The following IGSF5 variants were observed in gnomAD, a reference collection of about 807,000 sequenced individuals.
The protein encoded by IGSF5 is immunoglobulin superfamily member 5.
IGSF5 carries 41 observed loss-of-function variants against 39.4 expected under a neutral mutation model. That is an observed-to-expected ratio of 1.04 (90% CI 0.81 to 1.35). The LOEUF (loss-of-function observed/expected upper bound fraction) is 1.35. IGSF5 is among the 40% of genes most tolerant of loss of function. The pLI is 0.00. For missense variants in IGSF5, 487 were observed against 494.6 expected (o/e 0.98, Z 0.15); for synonymous variants, 183 against 175.3 (o/e 1.04, Z -0.34).
At chr21:39,773,730 T>G (rs1039864856) in intron 4 of IGSF5, among the ~76,000 whole-genome samples, 1 of 152,122 alleles carries the variant, frequency 6.6e-6, no homozygotes, top group African/African-American at 2.4e-5. Flanking sequence ...GAACCAACCT[T>G]AAATATCATA....
chr21:39,770,856 AAACTT>A, intron 3 of IGSF5, 55 bp from the exon 4 acceptor site: 1 of 1,202,728 alleles, frequency 8.3e-7, no homozygotes. Flanking sequence ...AAAAAAAAGA[AAACTT>A]AGAAGCGAGA....
At chr21:39,724,067 AAAAATAAAATAAAATAAAATAAAAT>A in the IGSF5 span, among the ~76,000 whole-genome samples, 5,762 of 137,018 alleles carry the variant, frequency 0.042, 245 homozygotes, top group East Asian at 0.21. Context: ...CCCTGTCTCA[AAAAATAAAATAAAATAAAATAAAAT>A]AAAATAAAAT....
upstream of IGSF5, among the ~76,000 whole-genome samples, chr21:39,744,497 C>A (rs536788396): frequency 6.6e-6 from 1 of 152,182 alleles, no homozygotes; most frequent in African/African-American, 2.4e-5. Flanking sequence ...CAAGAGTCTC[C>A]GTATCAATTA....
intron 4 of IGSF5, among the ~76,000 whole-genome samples, chr21:39,772,000 G>T (rs1406739570): frequency 6.6e-6 from 1 of 152,166 alleles, no homozygotes; most frequent in African/African-American, 2.4e-5. Context: ...TTCTTTTCGT[G>T]TCTAAAGCTT....
chr21:39,777,005 A>C (rs953909571), intron 4 of IGSF5, among the ~76,000 whole-genome samples: 2 of 152,212 alleles, frequency 1.3e-5, no homozygotes, highest in African/African-American at 4.8e-5. Flanking sequence ...GAACTTTCAC[A>C]CACACCCCTG....
At chr21:39,793,639 T>C (rs460504) in intron 8 of IGSF5, 26 bp downstream of exon 8, 751,454 of 1,588,250 alleles carry the variant, frequency 0.47, 184,039 homozygotes, top group Non-Finnish European at 0.52. Context: ...TTCCCCCTTT[T>C]TGGACTTTTT....
intron 4 of IGSF5, among the ~76,000 whole-genome samples, chr21:39,772,806 C>T (rs866829378): frequency 1.3e-5 from 2 of 152,090 alleles, no homozygotes; most frequent in African/African-American, 4.8e-5. Flanking sequence ...GTAATGTGGT[C>T]ACAGGATGAC....
At chr21:39,739,119 G>A in the IGSF5 span, among the ~76,000 whole-genome samples, 4 of 151,948 alleles carry the variant, frequency 2.6e-5, no homozygotes, top group Admixed American at 6.6e-5. Context: ...TGGTAGAGAC[G>A]GGGTTTTGCC....
chr21:39,765,932 T>C, intron 3 of IGSF5, 80 bp downstream of exon 3: 1 of 1,293,034 alleles, frequency 7.7e-7, no homozygotes, highest in Non-Finnish European at 1.1e-6. Flanking sequence ...TCATGCCGCG[T>C]ATGATGGCAG....
At position 39,788,201 on chromosome 21, in the gene IGSF5, C is replaced by T. The variant is rs1304713042; in HGVS notation, c.956+13C>T. 6.4e-7 allele frequency: 1 copy of T among 1,574,340 alleles called. No homozygotes were observed. The highest frequency in any genetic ancestry group is 8.7e-7 in the Non-Finnish European group (1 of 1,147,956). ...TTCAATTTCAAAAGTAAGTTTGAAA[C>T]CACATCTATTTTCTGAAAACAAAAC... On this transcript the variant is annotated intron_variant, in intron 6 of 8. Transcript: ENST00000380588.
At chr21:39,800,270 G>T (rs2087021439) in intron 8 of IGSF5, among the ~76,000 whole-genome samples, 1 of 152,050 alleles carries the variant, frequency 6.6e-6, no homozygotes, top group Non-Finnish European at 1.5e-5. Context: ...GCTGTTTTAG[G>T]AAATTCTCTG....
intron 2 of IGSF5, among the ~76,000 whole-genome samples, chr21:39,759,612 A>T (rs1374471987): frequency 6.6e-6 from 1 of 152,072 alleles, no homozygotes; most frequent in Non-Finnish European, 1.5e-5. Flanking sequence ...CACGCCTGTA[A>T]TCCCAGCACT....
chr21:39,774,680 C>T (rs1377983310), intron 4 of IGSF5, among the ~76,000 whole-genome samples: 1 of 152,222 alleles, frequency 6.6e-6, no homozygotes, highest in Non-Finnish European at 1.5e-5. Context: ...GAGCCATCTG[C>T]CCCTCGGGGT....
At chr21:39,737,917 A>G in the IGSF5 span, among the ~76,000 whole-genome samples, 2 of 152,172 alleles carry the variant, frequency 1.3e-5, no homozygotes, top group Admixed American at 6.5e-5. Context: ...GAGTTCGGCT[A>G]TGGGAAGGTG....
chr21:39,775,051 A>G (rs905150384), intron 4 of IGSF5, among the ~76,000 whole-genome samples: 1 of 151,992 alleles, frequency 6.6e-6, no homozygotes, highest in Admixed American at 6.6e-5. Flanking sequence ...GTTTTGTTTC[A>G]TTGGTTTTTG....
At chr21:39,745,551 G>C (rs1460140666) in intron 1 of IGSF5, 25 bp downstream of exon 1, 2 of 716,588 alleles carry the variant, frequency 2.8e-6, no homozygotes, top group East Asian at 2.7e-5. Context: ...GTGGGCGACT[G>C]TTGAGTAGAG....
chr21:39,790,466 A>T (rs1341743230), intron 6 of IGSF5, among the ~76,000 whole-genome samples: 2 of 152,128 alleles, frequency 1.3e-5, no homozygotes, highest in African/African-American at 4.8e-5. Context: ...TGAGACCAGC[A>T]TGGACAACAT....
At chr21:39,744,021 T>C (rs1624691), upstream of IGSF5, among the ~76,000 whole-genome samples, 124,870 of 152,026 alleles carry the variant, frequency 0.82, 51,477 homozygotes, top group Admixed American at 0.87. Context: ...AGTCATTTTC[T>C]GATGAGCATT....
At chr21:39,800,440 G>A (rs183349023) in intron 8 of IGSF5, among the ~76,000 whole-genome samples, 4 of 152,254 alleles carry the variant, frequency 2.6e-5, no homozygotes, top group Admixed American at 2.0e-4. Context: ...AAAAGCAAAC[G>A]ACAGTAGGAA....
Sources: gnomAD v4.1 joint callset for allele counts (sites outside exome capture counted in the v4.1 genomes callset) on GRCh38, gnomAD v4.1.1 for gene constraint, MANE v1.5 for transcripts, NCBI Gene and HGNC (gene_info 2026-07-23, HGNC 2026-07-21) for gene names.